CCSER1: variants seen among roughly 807,000 people sequenced by gnomAD.
The protein encoded by CCSER1 is coiled-coil serine rich protein 1, also known as serine-rich coiled-coil domain-containing protein 1.
Under a neutral mutation model 82.0 loss-of-function variants are expected in CCSER1, and 41 were observed. The observed-to-expected ratio is 0.50, with a 90% CI of 0.39 to 0.65. The LOEUF is 0.65. CCSER1 is among the 30% of genes least tolerant of loss of function. The pLI is 0.00. For missense variants in CCSER1, 1,119 were observed against 1,064.2 expected (o/e 1.05, Z -0.72); for synonymous variants, 414 against 383.9 (o/e 1.08, Z -0.92).
intron 8 of CCSER1, among the ~76,000 whole-genome samples, chr4:90,841,853 C>T (rs1408044504): frequency 1.3e-5 from 2 of 152,142 alleles, no homozygotes; most frequent in African/African-American, 4.8e-5. Context: ...ATAAGCCAAA[C>T]TCCAAAGTAA....
At chr4:90,505,720 C>A (rs901997335) in intron 5 of CCSER1, among the ~76,000 whole-genome samples, 1 of 152,158 alleles carries the variant, frequency 6.6e-6, no homozygotes, top group Non-Finnish European at 1.5e-5. Context: ...TGCCTTGGCA[C>A]TGATGGGAGT....
intron 4 of CCSER1, among the ~76,000 whole-genome samples, chr4:90,428,499 G>C (rs187481452): frequency 4.6e-5 from 7 of 151,926 alleles, no homozygotes; most frequent in African/African-American, 1.4e-4. Context: ...TATGTTAAGT[G>C]TATTATATGC....
intron 8 of CCSER1, among the ~76,000 whole-genome samples, chr4:90,849,470 A>C (rs1763584717): frequency 6.6e-6 from 1 of 152,060 alleles, no homozygotes; most frequent in South Asian, 2.1e-4. Context: ...ATGTTGGGAA[A>C]ATTTGCAGGC....
chr4:90,898,458 T>C (rs1156645473), intron 8 of CCSER1, among the ~76,000 whole-genome samples: 3 of 150,512 alleles, frequency 2.0e-5, no homozygotes, highest in Non-Finnish European at 4.4e-5. Context: ...TTTTTTTTTT[T>C]TGTATTTTTA....
intron 1 of CCSER1, among the ~76,000 whole-genome samples, chr4:90,296,897 C>T (rs1436391066): frequency 6.6e-6 from 1 of 152,082 alleles, no homozygotes; most frequent in African/African-American, 2.4e-5. Flanking sequence ...TTACTGTAGC[C>T]TTGTAGTATA....
chr4:91,583,161 C>G (rs551440807), intron 10 of CCSER1, among the ~76,000 whole-genome samples: 2 of 151,356 alleles, frequency 1.3e-5, no homozygotes, highest in African/African-American at 4.8e-5. Flanking sequence ...TTAATGTACT[C>G]TTTTGTAACA....
rs190735498 is a variant in CCSER1 at position 91,162,475 on chromosome 4, C to T, written c.2217+76481C>T. Among the ~76,000 whole-genome samples, 935 of 152,206 alleles carry T rather than the reference C, an allele frequency of 6.1e-3. 3 individuals carry two copies. Among genetic ancestry groups the T allele is most frequent in the African/African-American group, 0.021 (893 of 41,544 alleles). On this transcript the variant is annotated intron_variant, in intron 10 of 10. Transcript: ENST00000509176. ...GAGTTAGAGAGGAATTCCTCTTTTT[C>T]TATTGATTGGAATATTTTCAGAAGG...
chr4:90,265,036 A>C (rs574788573), intron 1 of CCSER1, among the ~76,000 whole-genome samples: 19 of 152,128 alleles, frequency 1.2e-4, no homozygotes, highest in African/African-American at 4.6e-4. Flanking sequence ...GACATCTAGT[A>C]AAGAATATTC....
chr4:90,875,104 T>C (rs1288750138), intron 8 of CCSER1, among the ~76,000 whole-genome samples: 4 of 152,200 alleles, frequency 2.6e-5, no homozygotes, highest in Non-Finnish European at 4.4e-5. Flanking sequence ...CATCTCTCTG[T>C]ATCCATCTCT....
chr4:91,467,349 T>C (rs1475395217), intron 10 of CCSER1, among the ~76,000 whole-genome samples: 2 of 152,140 alleles, frequency 1.3e-5, no homozygotes, highest in Non-Finnish European at 2.9e-5. Flanking sequence ...CAAAAATTAA[T>C]TCAAGATGGA....
intron 10 of CCSER1, among the ~76,000 whole-genome samples, chr4:91,509,999 C>T (rs527850729): frequency 4.6e-5 from 7 of 152,042 alleles, no homozygotes; most frequent in African/African-American, 1.7e-4. Context: ...AACCCATTGC[C>T]CCCTCTCTCC....
At chr4:90,468,125 A>G in intron 4 of CCSER1, 109 bp from the exon 5 acceptor site, 9 of 912,634 alleles carry the variant, frequency 9.9e-6, no homozygotes, top group Non-Finnish European at 1.4e-5. Flanking sequence ...TTAATGTTTT[A>G]TTAGAATTAG....
At chr4:90,536,272 G>C (rs1452241759) in intron 5 of CCSER1, among the ~76,000 whole-genome samples, 3 of 152,124 alleles carry the variant, frequency 2.0e-5, no homozygotes. Flanking sequence ...GACCTCAGGT[G>C]ATGCGCCCGC....
At chr4:90,873,598 A>G (rs1015936643) in intron 8 of CCSER1, among the ~76,000 whole-genome samples, 1 of 152,114 alleles carries the variant, frequency 6.6e-6, no homozygotes, top group African/African-American at 2.4e-5. Flanking sequence ...ATTATTTTTT[A>G]TCTTATGAGG....
At chr4:91,595,282 T>C (rs182239862) in intron 10 of CCSER1, among the ~76,000 whole-genome samples, 5 of 152,280 alleles carry the variant, frequency 3.3e-5, no homozygotes, top group Admixed American at 3.3e-4. Flanking sequence ...TTCTTCATTC[T>C]CTATAGTTGT....
chr4:90,157,538 C>T (rs1176921453), intron 1 of CCSER1, among the ~76,000 whole-genome samples: 2 of 152,194 alleles, frequency 1.3e-5, no homozygotes, highest in Admixed American at 6.5e-5. Flanking sequence ...GGTGTTTTCA[C>T]ATAGTCCCAT....
At chr4:91,260,978 T>C (rs1741081842) in intron 10 of CCSER1, among the ~76,000 whole-genome samples, 1 of 152,134 alleles carries the variant, frequency 6.6e-6, no homozygotes, top group Non-Finnish European at 1.5e-5. Context: ...TTAGCCATGA[T>C]GGTCTCGATC....
At chr4:91,386,451 G>A (rs1751293627) in intron 10 of CCSER1, among the ~76,000 whole-genome samples, 1 of 151,910 alleles carries the variant, frequency 6.6e-6, no homozygotes, top group African/African-American at 2.4e-5. Context: ...AAGAAGAGAG[G>A]GCTTTCCCTT....
chr4:90,239,570 T>C (rs1746454589), intron 1 of CCSER1, among the ~76,000 whole-genome samples: 1 of 152,204 alleles, frequency 6.6e-6, no homozygotes, highest in African/African-American at 2.4e-5. Flanking sequence ...GGTACAATTA[T>C]GGTTCACTGC....
Sources: gnomAD v4.1 joint callset for allele counts (sites outside exome capture counted in the v4.1 genomes callset) on GRCh38, gnomAD v4.1.1 for gene constraint, MANE v1.5 for transcripts, NCBI Gene and HGNC (gene_info 2026-07-23, HGNC 2026-07-21) for gene names.